Variants in MAN1A2 observed in about 807,000 individuals in gnomAD.
MAN1A2 encodes the protein mannosyl-oligosaccharide 1,2-alpha-mannosidase IB.
A neutral mutation model predicts 75.7 loss-of-function variants in MAN1A2; 26 were observed. The ratio of observed to expected loss-of-function variants is 0.34; its 90% CI spans 0.25 to 0.48. MAN1A2 has a LOEUF of 0.48. Among genes scored for constraint, MAN1A2 ranks in the 20% least tolerant of loss-of-function variants. The probability of loss-of-function intolerance (pLI) is 0.99; values close to 1 mark genes in which losing one functional copy is unlikely to be tolerated. For missense variants in MAN1A2, 562 were observed against 775.5 expected (o/e 0.72, Z 3.27); for synonymous variants, 247 against 264.6 (o/e 0.93, Z 0.65).
chr1:117,522,462 C>A (rs767442311), intron 12 of MAN1A2, among the ~76,000 whole-genome samples: 11 of 151,812 alleles, frequency 7.2e-5, no homozygotes, highest in Non-Finnish European at 1.5e-4. Flanking sequence ...ACTTCTTACC[C>A]TGATAAGGGC....
At chr1:117,414,940 C>T (rs1225232491) in intron 4 of MAN1A2, 109 bp downstream of exon 4, 3 of 659,972 alleles carry the variant, frequency 4.5e-6, no homozygotes, top group Non-Finnish European at 8.2e-6. Context: ...ATGTTGAAAC[C>T]TAATCACTAA....
chr1:117,384,305 A>G (rs527623674), intron 1 of MAN1A2, among the ~76,000 whole-genome samples: 235 of 152,068 alleles, frequency 1.5e-3, no homozygotes, highest in South Asian at 2.9e-3. Context: ...AAGTTTTGGT[A>G]TGTGTTTTTG....
chr1:117,465,063 G>C (rs1035311367), intron 7 of MAN1A2, among the ~76,000 whole-genome samples: 2 of 152,046 alleles, frequency 1.3e-5, no homozygotes, highest in African/African-American at 4.8e-5. Context: ...TATATAAACA[G>C]AGATACAAGA....
At chr1:117,473,825 C>T (rs1319498717) in intron 8 of MAN1A2, among the ~76,000 whole-genome samples, 2 of 152,012 alleles carry the variant, frequency 1.3e-5, no homozygotes, top group African/African-American at 4.8e-5. Context: ...TAGATTTCTT[C>T]CACCGAGTGG....
Position 117,442,213 on chromosome 1 carries a change from T to A in MAN1A2, c.856-18T>A, listed in dbSNP as rs763648506. On this transcript the variant is annotated intron_variant, in intron 5 of 12. Transcript: ENST00000356554. Reference sequence around the variant, plus strand: ...ACTAATGGCTATAATTTATGAATATTCATGTTTTAAATCTCAGATATTCAA... The same window carrying A: ...ACTAATGGCTATAATTTATGAATATACATGTTTTAAATCTCAGATATTCAA... 6.8e-7 allele frequency: 1 copy of A among 1,470,054 alleles called. No homozygotes were observed. The highest frequency in any genetic ancestry group is 9.5e-7 in the Non-Finnish European group (1 of 1,048,590). The allele number at this position is 1,470,054 out of a possible 1,614,324, so 91.1% of individuals were successfully genotyped here.
intron 5 of MAN1A2, among the ~76,000 whole-genome samples, chr1:117,429,780 C>T (rs1210397710): frequency 4.6e-5 from 5 of 108,490 alleles, no homozygotes; most frequent in East Asian, 2.8e-4. Flanking sequence ...ACCTCCCTCC[C>T]GGACGGGGCG....
chr1:117,437,792 T>C (rs913540425), intron 5 of MAN1A2, among the ~76,000 whole-genome samples: 1 of 152,206 alleles, frequency 6.6e-6, no homozygotes. Context: ...CCCAACATTT[T>C]TGTAGAACAT....
chr1:117,388,553 C>T (rs895821830), intron 1 of MAN1A2, among the ~76,000 whole-genome samples: 1 of 152,042 alleles, frequency 6.6e-6, no homozygotes, highest in South Asian at 2.1e-4. Context: ...AGGCATCTCA[C>T]ACAGTAGGAG....
chr1:117,451,251 T>TG (rs1159067580), intron 6 of MAN1A2, among the ~76,000 whole-genome samples: 2 of 152,244 alleles, frequency 1.3e-5, no homozygotes, highest in African/African-American at 4.8e-5. Context: ...CAGACTTGCA[T>TG]GGGGCCTGTA....
intron 10 of MAN1A2, 87 bp downstream of exon 10, chr1:117,497,069 G>A: frequency 2.8e-6 from 3 of 1,053,704 alleles, no homozygotes; most frequent in South Asian, 1.6e-5. Flanking sequence ...GAATATATAG[G>A]CACTTTTTAC....
chr1:117,499,923 G>A (rs1209645908), intron 11 of MAN1A2, among the ~76,000 whole-genome samples: 4 of 151,520 alleles, frequency 2.6e-5, no homozygotes, highest in Non-Finnish European at 5.9e-5. Context: ...CTTATTCCCA[G>A]GGTAAGGGGT....
intron 1 of MAN1A2, among the ~76,000 whole-genome samples, chr1:117,394,976 A>C (rs1330506234): frequency 6.6e-6 from 1 of 152,190 alleles, no homozygotes; most frequent in African/African-American, 2.4e-5. Context: ...CTGCCAACCA[A>C]AATTCCAGCG....
chr1:117,515,608 T>C (rs1408834866), intron 12 of MAN1A2: 1 of 152,018 alleles, frequency 6.6e-6, no homozygotes, highest in African/African-American at 2.4e-5. Context: ...CTAGACCGAC[T>C]AAAGTACATT....
chr1:117,470,192 TA>T (rs1182036482), intron 8 of MAN1A2, among the ~76,000 whole-genome samples: 1 of 152,172 alleles, frequency 6.6e-6, no homozygotes, highest in Non-Finnish European at 1.5e-5. Flanking sequence ...AACATTATGC[TA>T]ATCAACAAAA....
intron 1 of MAN1A2, among the ~76,000 whole-genome samples, chr1:117,399,782 T>A (rs1360179558): frequency 6.6e-6 from 1 of 152,196 alleles, no homozygotes; most frequent in Non-Finnish European, 1.5e-5. Context: ...GGGTTTAGAC[T>A]TAGCAGGTAA....
rs1044670983 is a variant in MAN1A2, at chr1:117,456,167, G to A, written c.951-4322G>A. Among the ~76,000 whole-genome samples the A allele has an allele frequency of 1.3e-4, 20 of 152,098 alleles. 1 individual carries two copies. The highest frequency in any genetic ancestry group is 3.4e-3 in the Middle Eastern group (1 of 294). On this transcript the variant is annotated intron_variant, in intron 6 of 12. Transcript: ENST00000356554. ...TCTACAAAATTATGTTTATCACGGCGTATTTCACAAAATCATAAGTACAGG... is the reference window on the plus strand; with the variant it reads ...TCTACAAAATTATGTTTATCACGGCATATTTCACAAAATCATAAGTACAGG...
intron 9 of MAN1A2, among the ~76,000 whole-genome samples, chr1:117,496,179 A>G (rs1400010294): frequency 6.6e-6 from 1 of 151,982 alleles, no homozygotes; most frequent in Admixed American, 6.6e-5. Context: ...GTTTCTACTA[A>G]AGAAAACTGA....
chr1:117,424,836 C>T (rs924392770), intron 5 of MAN1A2, among the ~76,000 whole-genome samples: 9 of 152,158 alleles, frequency 5.9e-5, no homozygotes, highest in South Asian at 2.1e-4. Context: ...TCTTGGGTCT[C>T]ATCTTTTCCC....
chr1:117,419,415 A>T (rs923977116), intron 4 of MAN1A2, among the ~76,000 whole-genome samples: 2 of 151,942 alleles, frequency 1.3e-5, no homozygotes, highest in African/African-American at 4.8e-5. Context: ...GCCCTGTAGT[A>T]TGTTAGATGT....
Sources: allele counts gnomAD v4.1 joint callset (sites outside exome capture counted in the v4.1 genomes callset), GRCh38; gene constraint gnomAD v4.1.1; transcripts MANE v1.5; gene names NCBI Gene and HGNC (gene_info 2026-07-23, HGNC 2026-07-21).